The following MED27 variants were observed in gnomAD, a reference collection of about 807,000 sequenced individuals.
MED27 encodes the protein mediator complex subunit 27, also known as mediator of RNA polymerase II transcription subunit 27.
In MED27, 30 loss-of-function variants were observed where a neutral mutation model predicts 38.2. The observed-to-expected ratio is 0.79, with a 90% CI of 0.59 to 1.07. The LOEUF (loss-of-function observed/expected upper bound fraction) is 1.07, where lower values mean the gene tolerates loss of function less well. Ranked by LOEUF, MED27 falls within the 50% of genes least tolerant of loss-of-function variation. The pLI is 0.00. For synonymous variants in MED27, 122 were observed against 153.5 expected, an observed-to-expected ratio of 0.79 and a Z score of 1.52; for missense variants, 289 against 397.5, an observed-to-expected ratio of 0.73 and a Z score of 2.32.
At chr9:132,071,711 A>G (rs986685685) in intron 2 of MED27, among the ~76,000 whole-genome samples, 1 of 151,790 alleles carries the variant, frequency 6.6e-6, no homozygotes, top group African/African-American at 2.4e-5. Context: ...GCGTCCATGA[A>G]CAAGCACATA....
At chr9:132,068,738 G>T (rs1420296341) in intron 2 of MED27, among the ~76,000 whole-genome samples, 1 of 151,770 alleles carries the variant, frequency 6.6e-6, no homozygotes, top group African/African-American at 2.4e-5. Flanking sequence ...GACTGCTTCA[G>T]TCTGAGAGGC....
intron 2 of MED27, among the ~76,000 whole-genome samples, chr9:132,019,833 C>T (rs1832681947): frequency 1.3e-5 from 2 of 152,208 alleles, no homozygotes; most frequent in Admixed American, 1.3e-4. Context: ...TGAGAGCTGG[C>T]CCATGCCAAG....
At chr9:132,023,854 T>A (rs1268353527) in intron 2 of MED27, among the ~76,000 whole-genome samples, 1 of 152,186 alleles carries the variant, frequency 6.6e-6, no homozygotes, top group Non-Finnish European at 1.5e-5. Flanking sequence ...TTAGGAGGCA[T>A]GCAAGAACAG....
chr9:132,076,252 T>G (rs1002905029), intron 2 of MED27, among the ~76,000 whole-genome samples: 1 of 151,838 alleles, frequency 6.6e-6, no homozygotes, highest in African/African-American at 2.4e-5. Flanking sequence ...CTTGAACCAA[T>G]GAAGGCCCCA....
intron 6 of MED27, chr9:131,868,816 A>G (rs1838778788): frequency 3.0e-6 from 3 of 985,350 alleles, no homozygotes; most frequent in South Asian, 9.4e-5. Context: ...TTGGGAAGCT[A>G]CAGTTCCGAC....
intron 3 of MED27, among the ~76,000 whole-genome samples, chr9:131,940,877 G>T (rs1830774468): frequency 6.6e-6 from 1 of 152,166 alleles, no homozygotes; most frequent in Non-Finnish European, 1.5e-5. Context: ...CTTATACCCA[G>T]ATGAAACCTG....
intron 6 of MED27, chr9:131,869,453 G>A (rs528125447): frequency 1.0e-5 from 10 of 964,346 alleles, no homozygotes; most frequent in East Asian, 1.1e-4. Context: ...GCCGAGGTTC[G>A]GTCCCATTGT....
chr9:131,953,807 C>T (rs1204960793), intron 3 of MED27, among the ~76,000 whole-genome samples: 1 of 146,696 alleles, frequency 6.8e-6, no homozygotes, highest in Non-Finnish European at 1.5e-5. Context: ...AATAAATCTT[C>T]ACTTTTATAT....
intron 3 of MED27, among the ~76,000 whole-genome samples, chr9:132,010,050 T>C (rs922531068): frequency 2.6e-5 from 4 of 152,258 alleles, no homozygotes; most frequent in Non-Finnish European, 5.9e-5. Context: ...TCTTTTGCTG[T>C]GCAGAAGCTC....
intron 3 of MED27, among the ~76,000 whole-genome samples, chr9:131,950,935 A>C (rs529323878): frequency 6.6e-5 from 10 of 152,324 alleles, no homozygotes; most frequent in African/African-American, 2.4e-4. Context: ...AAGTAGTAAA[A>C]ATTTCTTAAT....
intron 4 of MED27, among the ~76,000 whole-genome samples, chr9:131,902,859 G>A (rs1266726927): frequency 1.3e-5 from 2 of 152,158 alleles, no homozygotes; most frequent in African/African-American, 2.4e-5. Context: ...AGAAACCAAC[G>A]TGCCAGCAAG....
At chr9:131,930,329 T>C (rs1436875294) in intron 4 of MED27, among the ~76,000 whole-genome samples, 1 of 151,862 alleles carries the variant, frequency 6.6e-6, no homozygotes, top group Non-Finnish European at 1.5e-5. Context: ...CTCTCAAAGG[T>C]CAAGGATAAA....
At chr9:131,943,662 G>A (rs1464424696) in intron 3 of MED27, among the ~76,000 whole-genome samples, 1 of 152,182 alleles carries the variant, frequency 6.6e-6, no homozygotes, top group African/African-American at 2.4e-5. Flanking sequence ...GAGCAGACGC[G>A]GCGCGGAAAG....
chr9:132,061,061 A>G (rs1447776894), intron 2 of MED27, among the ~76,000 whole-genome samples: 1 of 152,196 alleles, frequency 6.6e-6, no homozygotes, highest in Non-Finnish European at 1.5e-5. Flanking sequence ...TTCATCAACT[A>G]ATGGACTGAT....
intron 2 of MED27, among the ~76,000 whole-genome samples, chr9:132,044,138 T>C (rs1268974777): frequency 2.0e-5 from 3 of 151,380 alleles, no homozygotes; most frequent in Non-Finnish European, 2.9e-5. Flanking sequence ...GGGAAAGAAA[T>C]AGGGAGGGGA....
In MED27 at chr9:131,989,575, T is replaced by C. The variant is rs545251415; in HGVS notation, c.479+24762A>G. Reference sequence around the variant, plus strand: ...ATAAAACAGTTACCATCTTCACCATTTTTAAACATGCAGTTCACTGGTATT... The same window carrying C: ...ATAAAACAGTTACCATCTTCACCATCTTTAAACATGCAGTTCACTGGTATT... On this transcript the variant is annotated intron_variant, in intron 3 of 7. Coordinates refer to ENST00000292035, the MANE Select transcript of MED27 (RefSeq NM_004269.4). Among the ~76,000 whole-genome samples the C allele has an allele frequency of 1.1e-4, 17 of 152,332 alleles. No individual in the cohort carries two copies. In the East Asian group the frequency reaches 3.3e-3, roughly 29 times the overall value.
At chr9:131,893,858 G>A (rs773702407) in intron 5 of MED27, 27 bp downstream of exon 5, 12 of 1,543,362 alleles carry the variant, frequency 7.8e-6, no homozygotes, top group Non-Finnish European at 9.8e-6. Flanking sequence ...GAAAACCAAG[G>A]AACACACAAG....
intron 3 of MED27, among the ~76,000 whole-genome samples, chr9:131,976,892 T>C (rs1831619972): frequency 6.6e-6 from 1 of 152,196 alleles, no homozygotes; most frequent in African/African-American, 2.4e-5. Flanking sequence ...AACACTATAA[T>C]TAAAAGAGGC....
intron 3 of MED27, among the ~76,000 whole-genome samples, chr9:131,999,550 C>T (rs1028991640): frequency 1.3e-5 from 2 of 152,158 alleles, no homozygotes; most frequent in African/African-American, 4.8e-5. Flanking sequence ...AGGTACATTG[C>T]AAGCTCCTTA....
Sources: gnomAD v4.1 joint callset for allele counts (sites outside exome capture counted in the v4.1 genomes callset) on GRCh38, gnomAD v4.1.1 for gene constraint, MANE v1.5 for transcripts, NCBI Gene and HGNC (gene_info 2026-07-23, HGNC 2026-07-21) for gene names.